Variants in DPYD observed in about 807,000 individuals in gnomAD.
DPYD encodes the protein dihydropyrimidine dehydrogenase [NADP(+)].
A neutral mutation model predicts 116.2 loss-of-function variants in DPYD; 109 were observed. The observed-to-expected ratio is 0.94, with a 90% CI of 0.80 to 1.10. The LOEUF is 1.10. Ranked by LOEUF, DPYD falls within the 50% of genes least tolerant of loss-of-function variation. The pLI is 0.00. For synonymous variants in DPYD, 440 were observed against 432.0 expected (o/e 1.02, Z -0.23); for missense variants, 1,302 against 1,254.5 (o/e 1.04, Z -0.57).
chr1:97,382,925 T>G (rs1416788841), intron 14 of DPYD, among the ~76,000 whole-genome samples: 3 of 152,202 alleles, frequency 2.0e-5, no homozygotes, highest in Non-Finnish European at 2.9e-5. Context: ...CATAACTCAC[T>G]ATAGTACACA....
chr1:97,537,982 G>C (rs1245014689), intron 12 of DPYD, among the ~76,000 whole-genome samples: 1 of 151,432 alleles, frequency 6.6e-6, no homozygotes, highest in East Asian at 1.9e-4. Context: ...CCAGAGAATC[G>C]CTTGAACCCG....
intron 20 of DPYD, among the ~76,000 whole-genome samples, chr1:97,150,347 G>A (rs918709947): frequency 6.6e-6 from 1 of 151,770 alleles, no homozygotes; most frequent in African/African-American, 2.4e-5. Flanking sequence ...TCTCTTCTTC[G>A]CTACAGTATG....
intron 20 of DPYD, among the ~76,000 whole-genome samples, chr1:97,157,281 A>T (rs1557899535): frequency 1.3e-5 from 2 of 152,056 alleles, no homozygotes; most frequent in African/African-American, 4.8e-5. Context: ...ATAAAATAAA[A>T]TTAAAAAAAC....
chr1:97,713,210 T>C (rs1315561679), intron 5 of DPYD, among the ~76,000 whole-genome samples: 1 of 152,108 alleles, frequency 6.6e-6, no homozygotes, highest in African/African-American at 2.4e-5. Flanking sequence ...AGTCATCAAA[T>C]ATTTTTATGA....
intron 8 of DPYD, among the ~76,000 whole-genome samples, chr1:97,644,783 T>G (rs1658159740): frequency 6.6e-6 from 1 of 151,994 alleles, no homozygotes; most frequent in Admixed American, 6.6e-5. Flanking sequence ...TAATGTCAAA[T>G]ATTTCACACA....
At chr1:97,679,542 T>C (rs1406846281) in intron 7 of DPYD, among the ~76,000 whole-genome samples, 10 of 152,124 alleles carry the variant, frequency 6.6e-5, no homozygotes, top group African/African-American at 2.4e-4. Context: ...GCAAAAGATA[T>C]ACACAAATAA....
chr1:97,838,799 T>C (rs915371805), intron 2 of DPYD, among the ~76,000 whole-genome samples: 5 of 151,948 alleles, frequency 3.3e-5, no homozygotes, highest in African/African-American at 7.3e-5. Flanking sequence ...GAGCCGAGAT[T>C]GCGCCACTGC....
chr1:97,545,294 CTATT>C (rs1650754336), intron 12 of DPYD, among the ~76,000 whole-genome samples: 1 of 152,042 alleles, frequency 6.6e-6, no homozygotes, highest in Non-Finnish European at 1.5e-5. Flanking sequence ...ATAAAGTGTC[CTATT>C]AATTTATATA....
chr1:97,393,684 A>G (rs1331199332), intron 14 of DPYD, among the ~76,000 whole-genome samples: 2 of 152,096 alleles, frequency 1.3e-5, no homozygotes, highest in Non-Finnish European at 2.9e-5. Context: ...TTCTTAATCC[A>G]GTCTATCATT....
intron 1 of DPYD, among the ~76,000 whole-genome samples, chr1:97,896,797 C>T (rs957357735): frequency 9.9e-5 from 15 of 151,846 alleles, no homozygotes; most frequent in African/African-American, 3.6e-4. Flanking sequence ...TAAATGGAAT[C>T]ATACAATATG....
At chr1:97,403,336 A>G (rs1301189332) in intron 14 of DPYD, among the ~76,000 whole-genome samples, 1 of 152,082 alleles carries the variant, frequency 6.6e-6, no homozygotes, top group Non-Finnish European at 1.5e-5. Flanking sequence ...AAGTTGAAAA[A>G]TTCTAAGTTT....
chr1:97,565,489 C>G (rs896545124), intron 11 of DPYD, among the ~76,000 whole-genome samples: 4 of 152,098 alleles, frequency 2.6e-5, no homozygotes, highest in Non-Finnish European at 4.4e-5. Context: ...TTATCCCTAC[C>G]TGCTCCCTAC....
intron 20 of DPYD, among the ~76,000 whole-genome samples, chr1:97,179,425 T>C (rs1477235564): frequency 6.6e-6 from 1 of 151,970 alleles, no homozygotes; most frequent in Non-Finnish European, 1.5e-5. Context: ...GCTGAGCAAA[T>C]GAAGAGACTA....
rs527548681 is a variant in DPYD at position 97,082,859 on chromosome 1, A to G, written c.2767-389T>C. Among the ~76,000 whole-genome samples the G allele has an allele frequency of 3.3e-5, 5 of 152,294 alleles. No homozygotes were observed. In the East Asian group the frequency reaches 9.6e-4, roughly 29 times the overall value. ...ACAAAGTGACAAAGGGTAATACACT[A>G]TGCTAGAAAAGTTTAGATTGCTCAT... On this transcript the variant is annotated intron_variant, in intron 21 of 22. Transcript: ENST00000370192.
At position 97,547,097 on chromosome 1, in the gene DPYD, C is replaced by T; in HGVS notation, c.1524+2463G>A. The T allele has an allele frequency of 9.6e-6, 8 of 830,058 alleles. No individual in the cohort carries two copies. The South Asian group carries it at 1.1e-4, about 11-fold the overall frequency. 51.4% of individuals were successfully genotyped at this position (830,058 alleles called of 1,614,324 possible). Reference sequence around the variant, plus strand: ...AGTTTTTTTACTCTAGAAATGGGTGCATAATATAACTAGGCAGTGGCAGTG... The same window carrying T: ...AGTTTTTTTACTCTAGAAATGGGTGTATAATATAACTAGGCAGTGGCAGTG... On this transcript the variant is annotated intron_variant, in intron 12 of 22. Transcript: ENST00000370192.
rs182042953 is a variant in DPYD at position 97,139,645 on chromosome 1, C to T, written c.2623-41013G>A. On this transcript the variant is annotated intron_variant, in intron 20 of 22. Transcript: ENST00000370192. ...AGACTGAAAAGATTTTTTATGTTTA[C>T]GAACAACAGATTAAAGGCAAAGGCA... Among the ~76,000 whole-genome samples, 155 of 152,134 alleles carry T rather than the reference C, an allele frequency of 1.0e-3. 1 individual carries two copies. The highest frequency in any genetic ancestry group is 3.4e-3 in the Middle Eastern group (1 of 294).
At position 97,234,915 on chromosome 1, in the gene DPYD, A is replaced by G. The variant is rs1331410555; in HGVS notation, c.2379T>C (p.Thr793=). Reference sequence around the variant, plus strand: ...CACTTTCAGCAGAGTCAATTCCACCAGTAGCCAAAATGGGAAATCCAGGCA... The same window carrying G: ...CACTTTCAGCAGAGTCAATTCCACCGGTAGCCAAAATGGGAAATCCAGGCA... ...RALPGFPILA[T]GGIDSAESGL... Residue 793 remains threonine, a synonymous_variant, in exon 19 of 23, where the codon ACT becomes ACC. Coordinates refer to ENST00000370192, the MANE Select transcript of DPYD (RefSeq NM_000110.4). 6.2e-7 allele frequency: 1 copy of G among 1,614,010 alleles called. No individual in the cohort carries two copies. The highest frequency in any genetic ancestry group is 1.7e-5 in the Admixed American group (1 of 60,008).
intron 10 of DPYD, among the ~76,000 whole-genome samples, chr1:97,576,960 A>G (rs1653303117): frequency 6.6e-6 from 1 of 152,230 alleles, no homozygotes; most frequent in Admixed American, 6.5e-5. Context: ...AGAAAGGGAA[A>G]ATTGTTTAAA....
At chr1:97,391,272 C>T (rs72728460) in intron 14 of DPYD, among the ~76,000 whole-genome samples, 7,224 of 151,974 alleles carry the variant, frequency 0.048, 201 homozygotes, top group South Asian at 0.093. Context: ...ATTGCATATA[C>T]GACTACCCGT....
Sources: gnomAD v4.1 joint callset for allele counts (sites outside exome capture counted in the v4.1 genomes callset) on GRCh38, gnomAD v4.1.1 for gene constraint, MANE v1.5 for transcripts, NCBI Gene and HGNC (gene_info 2026-07-23, HGNC 2026-07-21) for gene names.